Variants in TENM4 observed in about 807,000 individuals in gnomAD.
TENM4 encodes teneurin transmembrane protein 4.
Under a neutral mutation model 243.3 loss-of-function variants are expected in TENM4, and 82 were observed. That is an observed-to-expected ratio of 0.34 (90% confidence interval 0.28 to 0.40). The LOEUF (loss-of-function observed/expected upper bound fraction) is 0.40, where lower values mean the gene tolerates loss of function less well. Among genes scored for constraint, TENM4 ranks in the 10% least tolerant of loss-of-function variants. TENM4 has a pLI of 1.00. For synonymous variants in TENM4, 1,412 were observed against 1,456.3 expected, an observed-to-expected ratio of 0.97 and a Z score of 0.69; for missense variants, 3,138 against 3,673.3, an observed-to-expected ratio of 0.85 and a Z score of 3.77.
At chr11:79,369,747 C>T (rs1184532943) in intron 1 of TENM4, among the ~76,000 whole-genome samples, 2 of 152,192 alleles carry the variant, frequency 1.3e-5, no homozygotes, top group Admixed American at 6.5e-5. Context: ...AGACCTTAGC[C>T]CATATCCTTC....
rs140405209 is a variant in TENM4 at position 79,232,917 on chromosome 11, C to T, written c.-264-17008G>A. Among the ~76,000 whole-genome samples, 57 of 152,298 alleles carry T rather than the reference C, an allele frequency of 3.7e-4. No individual in the cohort carries two copies. In the East Asian group the frequency reaches 7.7e-3, roughly 21 times the overall value. The stretch of plus-strand genomic sequence containing the variant: ...TGGCACTCCCTTGGTTAAAACTGTC[C>T]GGGGTGTACCATTGCCAACAGGTGA... On this transcript the variant is annotated intron_variant, in intron 2 of 33. Coordinates refer to ENST00000278550, the MANE Select transcript of TENM4 (RefSeq NM_001098816.3).
chr11:78,661,918 C>T (rs1272766822), intron 32 of TENM4, among the ~76,000 whole-genome samples: 1 of 152,158 alleles, frequency 6.6e-6, no homozygotes, highest in Non-Finnish European at 1.5e-5. Context: ...GAAGATCCCT[C>T]CCTTTCACCC....
intron 18 of TENM4, among the ~76,000 whole-genome samples, chr11:78,760,376 T>C (rs1856402068): frequency 6.6e-6 from 1 of 152,236 alleles, no homozygotes; most frequent in South Asian, 2.1e-4. Context: ...TCATGCAAAC[T>C]GTGTGACTTG....
chr11:78,936,050 G>A (rs1310566686), intron 6 of TENM4, among the ~76,000 whole-genome samples: 1 of 152,212 alleles, frequency 6.6e-6, no homozygotes, highest in African/African-American at 2.4e-5. Flanking sequence ...GATAAATGAG[G>A]TGTTACAGGT....
intron 28 of TENM4, among the ~76,000 whole-genome samples, chr11:78,694,719 C>T (rs2135741481): frequency 6.6e-6 from 1 of 152,328 alleles, no homozygotes; most frequent in Non-Finnish European, 1.5e-5. Flanking sequence ...CTGACCCCTG[C>T]AGACTGTGTC....
intron 4 of TENM4, among the ~76,000 whole-genome samples, chr11:79,095,287 G>A (rs1046053166): frequency 8.5e-5 from 13 of 152,132 alleles, no homozygotes; most frequent in African/African-American, 3.1e-4. Context: ...TCGCCCAGGT[G>A]GTAAGCAGCA....
intron 4 of TENM4, among the ~76,000 whole-genome samples, chr11:79,085,017 CTTG>C (rs1045957658): frequency 2.0e-5 from 3 of 152,126 alleles, no homozygotes; most frequent in African/African-American, 7.2e-5. Flanking sequence ...CAGGCTATCT[CTTG>C]TTATTTCTTA....
intron 23 of TENM4, among the ~76,000 whole-genome samples, chr11:78,724,609 T>C (rs1226624131): frequency 1.3e-5 from 2 of 152,192 alleles, no homozygotes; most frequent in Non-Finnish European, 2.9e-5. Context: ...TATATACACA[T>C]GGTATGTGGC....
chr11:79,298,290 T>C (rs996869018), intron 1 of TENM4, among the ~76,000 whole-genome samples: 1 of 150,918 alleles, frequency 6.6e-6, no homozygotes, highest in Non-Finnish European at 1.5e-5. Context: ...CCGAGGCGGG[T>C]GGATCATGAG....
chr11:78,845,388 T>G (rs1265434738), intron 12 of TENM4, among the ~76,000 whole-genome samples: 1 of 152,206 alleles, frequency 6.6e-6, no homozygotes, highest in Non-Finnish European at 1.5e-5. Context: ...GGGTAAGACT[T>G]ATCCAAAATC....
intron 1 of TENM4, among the ~76,000 whole-genome samples, chr11:79,394,998 C>A (rs187093256): frequency 6.6e-6 from 1 of 152,314 alleles, no homozygotes; most frequent in East Asian, 1.9e-4. Context: ...CCAACATTGC[C>A]AACACCTGGA....
In TENM4 at chr11:78,786,982, G is replaced by A; in HGVS notation, c.2281C>T (p.His761Tyr). The change falls in exon 16 of 34, where the codon CAC (histidine) becomes TAC (tyrosine). Residue 761 changes from histidine to tyrosine, a missense_variant. His to Tyr is a moderately conservative substitution (Grantham distance 83). Transcript: ENST00000278550. Reference protein sequence around the residue: ...MGAACDQRACHPRCAEHGTCR... With the variant: ...MGAACDQRACYPRCAEHGTCR... ...GTCCCATGCTCGGCACAGCGCGGGT[G>A]GCAGGCCCGCTGGTCGCAGGCTGCC... 1 of 1,584,184 alleles carries A rather than the reference G, an allele frequency of 6.3e-7. No individual in the cohort carries two copies. Among genetic ancestry groups the A allele is most frequent in the East Asian group, 2.3e-5 (1 of 43,016 alleles).
intron 2 of TENM4, among the ~76,000 whole-genome samples, chr11:79,271,326 T>A (rs556278994): frequency 6.6e-6 from 1 of 152,222 alleles, no homozygotes; most frequent in African/African-American, 2.4e-5. Context: ...TTACAGAGAC[T>A]TTTTCTTGTC....
intron 2 of TENM4, among the ~76,000 whole-genome samples, chr11:79,223,627 C>A (rs1864205491): frequency 6.6e-6 from 1 of 152,312 alleles, no homozygotes; most frequent in South Asian, 2.1e-4. Flanking sequence ...GCCTGGCCAC[C>A]TTTCCAGCCC....
intron 16 of TENM4, among the ~76,000 whole-genome samples, chr11:78,779,576 T>G (rs2136016606): frequency 6.6e-6 from 1 of 152,334 alleles, no homozygotes; most frequent in Non-Finnish European, 1.5e-5. Context: ...CCAGCATGAA[T>G]CACTAATACC....
At chr11:78,737,345 T>G (rs1297758467) in intron 20 of TENM4, among the ~76,000 whole-genome samples, 1 of 152,214 alleles carries the variant, frequency 6.6e-6, no homozygotes, top group African/African-American at 2.4e-5. Flanking sequence ...GTCTTCCAGC[T>G]GGGCCTCTTC....
At chr11:79,241,050 T>G (rs1864578715) in intron 2 of TENM4, among the ~76,000 whole-genome samples, 1 of 152,086 alleles carries the variant, frequency 6.6e-6, no homozygotes, top group Non-Finnish European at 1.5e-5. Flanking sequence ...ACACACAAAG[T>G]AGTTTTAAAA....
At chr11:78,836,045 C>T (rs1238467456) in intron 12 of TENM4, among the ~76,000 whole-genome samples, 2 of 152,204 alleles carry the variant, frequency 1.3e-5, no homozygotes, top group African/African-American at 2.4e-5. Flanking sequence ...GCTGTGTGAT[C>T]TTGGACCAGT....
intron 6 of TENM4, among the ~76,000 whole-genome samples, chr11:79,046,668 C>T (rs561177621): frequency 6.6e-6 from 1 of 152,264 alleles, no homozygotes; most frequent in South Asian, 2.1e-4. Context: ...CAGGCAGAGA[C>T]TGGAGTGATG....
Sources: gnomAD v4.1 joint callset for allele counts (sites outside exome capture counted in the v4.1 genomes callset) on GRCh38, gnomAD v4.1.1 for gene constraint, MANE v1.5 for transcripts, NCBI Gene and HGNC (gene_info 2026-07-23, HGNC 2026-07-21) for gene names.